The following AATK variants were observed in gnomAD, a reference collection of about 807,000 sequenced individuals.
AATK encodes the protein lemur tail kinase 1.
In AATK, 91 loss-of-function variants were observed where a neutral mutation model predicts 114.3. That is an observed-to-expected ratio of 0.80 (90% CI 0.67 to 0.95). AATK has a LOEUF of 0.95. AATK is among the 40% of genes least tolerant of loss of function. The pLI, the probability that AATK is intolerant of heterozygous loss-of-function variation, is 0.00. For synonymous variants in AATK, 1,075 were observed against 916.5 expected, an observed-to-expected ratio of 1.17 and a Z score of -3.12; for missense variants, 2,176 against 1,965.2, an observed-to-expected ratio of 1.11 and a Z score of -2.03.
rs1428206698 is a variant in AATK at position 81,117,461 on chromosome 17, T to TCCAA, written c.*937_*940dup. On this transcript the variant is annotated 3_prime_UTR_variant, in exon 14 of 14. Coordinates refer to ENST00000326724, the MANE Select transcript of AATK (RefSeq NM_001080395.3). ...TTAAAATCACCCAACTTCCATTCGC[T>TCCAA]CCAACCACAGCAGTTAGTTAGTTAC... is the stretch of plus-strand genomic sequence containing the variant. 6.6e-6 allele frequency: 1 copy of TCCAA among 152,306 alleles called. No individual in the cohort carries two copies. The highest frequency in any genetic ancestry group is 1.9e-4 in the East Asian group (1 of 5,184). The allele number at this position is 152,306 out of a possible 1,614,324, so 9.4% of individuals were successfully genotyped here. A position where few individuals can be genotyped will look rare whatever the true frequency, so the allele number is the denominator to read the frequency against.
intron 1 of AATK, among the ~76,000 whole-genome samples, chr17:81,156,170 GTATGTTACTGTTA>G (rs2061362196): frequency 2.3e-4 from 2 of 8,788 alleles, no homozygotes; most frequent in Admixed American, 2.3e-3. Flanking sequence ...ATGTTACAAT[GTATGTTACTGTTA>G]CAATGTATGT....
At chr17:81,132,664 CG>C in intron 2 of AATK, 6 of 310,624 alleles carry the variant, frequency 1.9e-5, no homozygotes, top group East Asian at 2.1e-4. Flanking sequence ...ACCTGCTGCC[CG>C]GGGGCCAGCC....
intron 2 of AATK, chr17:81,132,019 C>A: frequency 7.7e-7 from 1 of 1,305,196 alleles, no homozygotes; most frequent in Non-Finnish European, 1.0e-6. Flanking sequence ...GGGCCACTCC[C>A]TGCCAGGCTG....
intron 1 of AATK, among the ~76,000 whole-genome samples, chr17:81,155,295 C>A (rs1368799502): frequency 6.6e-6 from 1 of 152,212 alleles, no homozygotes; most frequent in Non-Finnish European, 1.5e-5. Flanking sequence ...GTATTTCAGA[C>A]GAACGCAGTG....
Position 81,120,694 on chromosome 17 carries a change from G to T in AATK, c.3242C>A (p.Pro1081Gln), listed in dbSNP as rs773490833. The T allele has an allele frequency of 6.6e-7, 1 of 1,517,914 alleles. No individual in the cohort carries two copies. The highest frequency in any genetic ancestry group is 2.3e-5 in the East Asian group (1 of 42,630). 94.0% of individuals were successfully genotyped at this position (1,517,914 alleles called of 1,614,324 possible). ...CACCTTGGCTGGGCCTTGGGGCTCC[G>T]GAGGCTCTGGGACCAGGCCCGAGGG... Reference protein sequence around the residue: ...TCPSGLVPEPPEPQGPAKVRP... With the variant: ...TCPSGLVPEPQEPQGPAKVRP... The change falls in exon 11 of 14, where the codon CCG (proline) becomes CAG (glutamine). Residue 1081 changes from proline (P) to glutamine (Q), a missense_variant. Coordinates refer to ENST00000326724, the MANE Select transcript of AATK (RefSeq NM_001080395.3).
intron 2 of AATK, 39 bp from the exon 3 acceptor site, chr17:81,131,244 G>A (rs987915600): frequency 1.3e-6 from 2 of 1,537,138 alleles, no homozygotes; most frequent in Non-Finnish European, 1.7e-6. Context: ...CTTCTCGCAG[G>A]TCAAGGAAGG....
intron 1 of AATK, among the ~76,000 whole-genome samples, chr17:81,156,410 TG>T (rs1034028404): frequency 2.0e-5 from 3 of 152,166 alleles, no homozygotes; most frequent in Admixed American, 1.3e-4. Context: ...TGTTTTGTTT[TG>T]TTTTTGAGAC....
At chr17:81,119,191 A>G (rs545498265) in intron 13 of AATK, among the ~76,000 whole-genome samples, 189 bp downstream of exon 13, 6,657 of 114,450 alleles carry the variant, frequency 0.058, 263 homozygotes, top group South Asian at 0.095. Context: ...GGGTCAGGTG[A>G]GGGCCAGGCG....
At position 81,122,197 on chromosome 17, in the gene AATK, T is replaced by G. The variant is rs1277711475; in HGVS notation, c.1739A>C (p.His580Pro). Residue 580 changes from histidine to proline, a missense_variant, in exon 11 of 14, where the codon CAC becomes CCC. By Grantham distance (77) the His-to-Pro change is moderately conservative. This residue lies in a region of AATK where 1,701 missense variants were observed against 1,394.7 expected (regional missense o/e 1.22). Transcript: ENST00000326724. The part of the protein sequence containing the change: ...ASLAMEPLLG[H>P]GPPVDVPWGR... The stretch of plus-strand genomic sequence containing the variant: ...CCAGGGGACGTCGACGGGTGGCCCG[T>G]GGCCCAGCAGCGGCTCCATGGCCAG... The G allele has an allele frequency of 1.3e-6, 2 of 1,505,470 alleles. No homozygotes were observed. Among genetic ancestry groups the G allele is most frequent in the Non-Finnish European group, 1.8e-6 (2 of 1,128,760 alleles). The allele number at this position is 1,505,470 out of a possible 1,614,324, so 93.3% of individuals were successfully genotyped here.
chr17:81,143,484 CCCTGCCT>C, intron 1 of AATK, among the ~76,000 whole-genome samples: 9 of 46,366 alleles, frequency 1.9e-4, no homozygotes, highest in Admixed American at 3.1e-4. Context: ...TCCACGCAGC[CCCTGCCT>C]CCCGTGTCCA....
At position 81,121,172 on chromosome 17, in the gene AATK, G is replaced by A. The variant is rs1316397900; in HGVS notation, c.2764C>T (p.Pro922Ser). ...CCTCCAGAGGGGCCAGTGGCCGACG[G>A]GCTGAAGACCTCATAGCCACCATCA... ...ASDGGYEVFS[P>S]SATGPSGGQP... The change falls in exon 11 of 14, where the codon CCG (proline) becomes TCG (serine). Residue 922 changes from proline to serine, a missense_variant. Around this residue, in one of 4 missense-constraint regions of AATK, gnomAD observed 1,701 missense variants for 1,394.7 expected, o/e 1.22. Coordinates refer to ENST00000326724, the MANE Select transcript of AATK (RefSeq NM_001080395.3). The A allele has an allele frequency of 6.2e-7, 1 of 1,602,508 alleles. No individual in the cohort carries two copies. Among genetic ancestry groups the A allele is most frequent in the Non-Finnish European group, 8.5e-7 (1 of 1,175,220 alleles).
In AATK at chr17:81,159,624, G is replaced by T. The variant is rs529406596; in HGVS notation, c.55+6314C>A. Among the ~76,000 whole-genome samples, 16 of 152,240 alleles carry T rather than the reference G, an allele frequency of 1.1e-4. No homozygotes were observed. The South Asian group carries it at 2.1e-3, about 20-fold the overall frequency. On this transcript the variant is annotated intron_variant, in intron 1 of 13. Transcript: ENST00000326724. ...GTACCAAGGGAACCCAAGGCCCCTT[G>T]TTCAGAGTCACTAAGAATTCCCAGA... is the stretch of plus-strand genomic sequence containing the variant.
rs1402269667 is a variant in AATK at position 81,128,452 on chromosome 17, C to T, written c.414+18G>A. On this transcript the variant is annotated intron_variant, in intron 4 of 13. Transcript: ENST00000326724. ...TGCCTCCCAGGCGGGAGTCCTCCCT[C>T]CCAGGCGGGACACGTACCTTCCCGA... 1 of 1,548,632 alleles carries T rather than the reference C, an allele frequency of 6.5e-7. No individual in the cohort carries two copies. The highest frequency in any genetic ancestry group is 2.0e-5 in the Admixed American group (1 of 50,994).
At chr17:81,125,069 G>T (rs577424835) in intron 7 of AATK, 55 bp from the exon 8 acceptor site, 1 of 1,195,696 alleles carries the variant, frequency 8.4e-7, no homozygotes, top group Non-Finnish European at 1.2e-6. Context: ...AGGGTGTGCC[G>T]GGTGGGGGCA....
intron 1 of AATK, among the ~76,000 whole-genome samples, chr17:81,156,548 C>A (rs951754118): frequency 1.4e-4 from 22 of 152,258 alleles, no homozygotes; most frequent in Admixed American, 3.3e-4. Context: ...CAGGCGCCAG[C>A]CACCACACCC....
intron 1 of AATK, among the ~76,000 whole-genome samples, chr17:81,159,890 G>A (rs1483061098): frequency 1.3e-5 from 2 of 152,142 alleles, no homozygotes; most frequent in Admixed American, 1.3e-4. Context: ...GGACAGGGAG[G>A]GGTCTTCCTG....
intron 7 of AATK, chr17:81,125,515 T>G (rs2060800148): frequency 1.4e-5 from 5 of 351,422 alleles, no homozygotes; most frequent in South Asian, 8.5e-5. Context: ...CACTCTCACT[T>G]GAGCCACCAC....
At chr17:81,135,850 C>CG (rs2061001503) in intron 1 of AATK, 1 of 152,460 alleles carries the variant, frequency 6.6e-6, no homozygotes, top group African/African-American at 2.4e-5. Flanking sequence ...AGGCAGGGGG[C>CG]GGCCAGCAAA....
Position 81,123,178 on chromosome 17 carries a change from G to A in AATK, c.1112+16C>T. ...TCTCGGCCTGGCTGTCCGGGACAGG[G>A]CAGTGGGGCCCTCACCAGCGGTCCG... On this transcript the variant is annotated intron_variant, in intron 10 of 13. Transcript: ENST00000326724. 1 of 1,423,282 alleles carries A rather than the reference G, an allele frequency of 7.0e-7. No homozygotes were observed. Among genetic ancestry groups the A allele is most frequent in the African/African-American group, 1.5e-5 (1 of 66,568 alleles). The allele number at this position is 1,423,282 out of a possible 1,614,324, so 88.2% of individuals were successfully genotyped here. A position where few individuals can be genotyped will look rare whatever the true frequency, so the allele number is the denominator to read the frequency against.
Sources: allele counts gnomAD v4.1 joint callset (sites outside exome capture counted in the v4.1 genomes callset), GRCh38; gene constraint gnomAD v4.1.1; regional missense constraint gnomAD v4.1.1; transcripts MANE v1.5; gene names NCBI Gene and HGNC (gene_info 2026-07-23, HGNC 2026-07-21).